Variants in HDAC9 observed in about 807,000 individuals in gnomAD.
HDAC9 encodes the protein MEF-2 interacting transcription repressor (MITR) protein.
A neutral mutation model predicts 139.4 loss-of-function variants in HDAC9; 41 were observed. That is an observed-to-expected ratio of 0.29 (90% CI 0.23 to 0.38). The LOEUF is 0.38. HDAC9 is among the 10% of genes least tolerant of loss of function. HDAC9 has a pLI of 1.00. For synonymous variants in HDAC9, 517 were observed against 476.2 expected (o/e 1.09, Z -1.12); for missense variants, 1,147 against 1,297.0 (o/e 0.88, Z 1.78).
At chr7:18,574,851 A>G (rs1400327550) in intron 2 of HDAC9, among the ~76,000 whole-genome samples, 3 of 152,250 alleles carry the variant, frequency 2.0e-5, no homozygotes, top group Non-Finnish European at 2.9e-5. Flanking sequence ...GACAGCAGGC[A>G]CTTCCAAGCC....
intron 23 of HDAC9, among the ~76,000 whole-genome samples, chr7:18,947,145 G>A (rs1782460697): frequency 6.6e-6 from 1 of 151,910 alleles, no homozygotes; most frequent in Non-Finnish European, 1.5e-5. Flanking sequence ...AGAAACATAT[G>A]CTTTTAAATG....
At chr7:18,526,272 A>G (rs1806881921) in intron 2 of HDAC9, among the ~76,000 whole-genome samples, 2 of 152,166 alleles carry the variant, frequency 1.3e-5, no homozygotes, top group Non-Finnish European at 2.9e-5. Context: ...AGACTGATAT[A>G]CAAGTCTCCC....
At chr7:18,758,952 T>TTAA (rs140041988) in intron 14 of HDAC9, among the ~76,000 whole-genome samples, 30,010 of 151,382 alleles carry the variant, frequency 0.2, 3,162 homozygotes, top group East Asian at 0.41. Context: ...AAAAATACTT[T>TTAA]TAATAATAAT....
chr7:18,968,786 C>T (rs1784054705), intron 24 of HDAC9, among the ~76,000 whole-genome samples: 1 of 151,736 alleles, frequency 6.6e-6, no homozygotes, highest in Non-Finnish European at 1.5e-5. Context: ...GGTGAAACCC[C>T]GTCTCTACTA....
At chr7:18,992,528 G>C (rs1786067244) in intron 25 of HDAC9, among the ~76,000 whole-genome samples, 1 of 152,146 alleles carries the variant, frequency 6.6e-6, no homozygotes, top group African/African-American at 2.4e-5. Context: ...GGAGGAAGAG[G>C]AGTAGAAGTA....
intron 21 of HDAC9, among the ~76,000 whole-genome samples, chr7:18,870,308 G>A (rs1798816877): frequency 6.6e-6 from 1 of 152,082 alleles, no homozygotes; most frequent in Non-Finnish European, 1.5e-5. Context: ...TCTGTAGCAA[G>A]TCCTTAATCT....
chr7:18,948,342 T>C lies in HDAC9; in HGVS notation c.2938-5804T>C, dbSNP rs535787866. ...TATTAAAAGATGTTCATTTAAATTA[T>C]GAATTAATATGTAAATTTAACAAAG... On this transcript the variant is annotated intron_variant, in intron 23 of 25. Transcript: ENST00000686413. 2.0e-5 allele frequency among the ~76,000 whole-genome samples: 3 copies of C among 152,234 alleles called. No homozygotes were observed. The East Asian group carries it at 5.8e-4, about 29-fold the overall frequency.
chr7:18,786,418 G>A (rs1262660770), intron 16 of HDAC9, among the ~76,000 whole-genome samples: 1 of 149,208 alleles, frequency 6.7e-6, no homozygotes, highest in African/African-American at 2.5e-5. Context: ...ATAGTACCAT[G>A]TGCTTCTGAA....
intron 23 of HDAC9, among the ~76,000 whole-genome samples, chr7:18,936,588 AC>A (rs1781651221): frequency 6.6e-6 from 1 of 152,204 alleles, no homozygotes; most frequent in Non-Finnish European, 1.5e-5. Context: ...GCTCATGGCA[AC>A]ATTTTCAACC....
chr7:18,773,406 CACACAA>C (rs771165741), intron 16 of HDAC9, among the ~76,000 whole-genome samples: 3 of 121,092 alleles, frequency 2.5e-5, no homozygotes, highest in African/African-American at 9.1e-5. Flanking sequence ...CACACACACA[CACACAA>C]AAGCACCTAT....
rs1489746860 is a variant in HDAC9 at position 18,644,783 on chromosome 7, C to T, written c.1025C>T (p.Ser342Phe). ...NITLGLPAVP[S>F]QLNASNSLKE... is the part of the protein sequence containing the mutation. ...ACCTTGGGGCTTCCCGCAGTGCCAT[C>T]CCAGCTCAATGTAAGTCATTGCACA... Residue 342 changes from serine (S) to phenylalanine (F), a missense_variant, in exon 9 of 26, where the codon TCC (serine) becomes TTC (phenylalanine). Ser to Phe is a radical substitution (Grantham distance 155, BLOSUM62 -2). Transcript: ENST00000686413. 1 of 1,610,998 alleles carries T rather than the reference C, an allele frequency of 6.2e-7. No individual in the cohort carries two copies. The highest frequency in any genetic ancestry group is 8.5e-7 in the Non-Finnish European group (1 of 1,178,498).
At chr7:18,841,685 C>G (rs185377542) in intron 21 of HDAC9, among the ~76,000 whole-genome samples, 216 of 152,144 alleles carry the variant, frequency 1.4e-3, no homozygotes, top group African/African-American at 4.3e-3. Flanking sequence ...AATCATATAG[C>G]GAAAAATTCT....
intron 1 of HDAC9, among the ~76,000 whole-genome samples, chr7:18,089,969 G>A (rs186269446): frequency 1.1e-4 from 16 of 152,004 alleles, no homozygotes; most frequent in African/African-American, 3.9e-4. Flanking sequence ...TAAGTTGGTG[G>A]GGGCTCTTAC....
intron 2 of HDAC9, among the ~76,000 whole-genome samples, chr7:18,194,569 C>G (rs1173438454): frequency 6.6e-6 from 1 of 152,158 alleles, no homozygotes; most frequent in Non-Finnish European, 1.5e-5. Context: ...CGATTCTTAA[C>G]AAGAGAGATG....
chr7:18,793,009 G>T (rs1214588478), intron 16 of HDAC9: 1 of 225,406 alleles, frequency 4.4e-6, no homozygotes, highest in Non-Finnish European at 9.0e-6. Context: ...TAGCAGGCCT[G>T]TAACTAAGCC....
intron 12 of HDAC9, among the ~76,000 whole-genome samples, chr7:18,670,894 T>G (rs1168143391): frequency 6.6e-6 from 1 of 151,652 alleles, no homozygotes; most frequent in African/African-American, 2.4e-5. Flanking sequence ...CTAATGAGGG[T>G]TAGGGTTAGA....
At chr7:18,701,187 TC>T (rs765273586) in intron 12 of HDAC9, among the ~76,000 whole-genome samples, 6 of 151,938 alleles carry the variant, frequency 3.9e-5, no homozygotes, top group Non-Finnish European at 8.8e-5. Context: ...GAGGTTTTTT[TC>T]CTCTTAAGCA....
At chr7:18,626,489 A>G (rs1205807576) in intron 6 of HDAC9, among the ~76,000 whole-genome samples, 1 of 152,310 alleles carries the variant, frequency 6.6e-6, no homozygotes. Context: ...TAACATGAGA[A>G]ATCGAGGTTT....
chr7:18,610,914 G>T (rs1363094109), intron 6 of HDAC9, among the ~76,000 whole-genome samples: 4 of 152,146 alleles, frequency 2.6e-5, no homozygotes, highest in Non-Finnish European at 4.4e-5. Context: ...AGCAGGATTT[G>T]TGTTTTATTT....
Sources: gnomAD v4.1 joint callset for allele counts (sites outside exome capture counted in the v4.1 genomes callset) on GRCh38, gnomAD v4.1.1 for gene constraint, MANE v1.5 for transcripts, NCBI Gene and HGNC (gene_info 2026-07-23, HGNC 2026-07-21) for gene names.